DNAH7: variants seen among roughly 807,000 people sequenced by gnomAD.
The protein encoded by DNAH7 is axonemal beta dynein heavy chain 7.
Under a neutral mutation model 444.6 loss-of-function variants are expected in DNAH7, and 397 were observed. The observed-to-expected ratio is 0.89, with a 90% CI of 0.82 to 0.97. The LOEUF (loss-of-function observed/expected upper bound fraction) is 0.97. Among genes scored for constraint, DNAH7 ranks in the 50% least tolerant of loss-of-function variants. The pLI, the probability that DNAH7 is intolerant of heterozygous loss-of-function variation, is 0.00. For synonymous variants in DNAH7, 1,636 were observed against 1,624.4 expected, an observed-to-expected ratio of 1.01 and a Z score of -0.17; for missense variants, 4,902 against 4,800.8, an observed-to-expected ratio of 1.02 and a Z score of -0.62.
chr2:195,827,804 T>C (rs545418496), intron 48 of DNAH7, among the ~76,000 whole-genome samples: 101 of 152,154 alleles, frequency 6.6e-4, no homozygotes, highest in Admixed American at 8.5e-4. Context: ...CTCAAACTCC[T>C]GGGCTCAACC....
chr2:195,978,350 A>C (rs1409610059), intron 15 of DNAH7, among the ~76,000 whole-genome samples: 1 of 152,166 alleles, frequency 6.6e-6, no homozygotes, highest in African/African-American at 2.4e-5. Flanking sequence ...ATAAATTATA[A>C]GATATTATTT....
intron 15 of DNAH7, among the ~76,000 whole-genome samples, chr2:195,976,741 G>GAGA (rs1692211435): frequency 1.4e-5 from 1 of 73,228 alleles, no homozygotes; most frequent in African/African-American, 4.7e-5. Flanking sequence ...GAGACAGAGA[G>GAGA]GCAGACAGAG....
chr2:195,826,851 G>A (rs565918153), intron 48 of DNAH7, among the ~76,000 whole-genome samples: 6 of 152,190 alleles, frequency 3.9e-5, no homozygotes, highest in Non-Finnish European at 7.3e-5. Flanking sequence ...CCAAGATCCT[G>A]CCATCTTGCA....
intron 19 of DNAH7, among the ~76,000 whole-genome samples, chr2:195,952,792 T>C (rs1282336438): frequency 3.3e-5 from 5 of 152,210 alleles, no homozygotes; most frequent in Admixed American, 6.5e-5. Context: ...AGGTCATTTA[T>C]GTTCCTCTCT....
In DNAH7 at chr2:195,809,638, T is replaced by C. The variant is rs142994228; in HGVS notation, c.9888+107A>G. On this transcript the variant is annotated intron_variant, in intron 52 of 64. Transcript: ENST00000312428. ...TTAACTATAATAACAAACAGTATTA[T>C]TGCTTAACTATTTACAATCTTTTTA... is the stretch of plus-strand genomic sequence containing the variant. 452 of 1,071,226 alleles carry C rather than the reference T, an allele frequency of 4.2e-4. 1 individual carries two copies. In the African/African-American group the frequency reaches 7.0e-3, roughly 16 times the overall value. The allele number at this position is 1,071,226 out of a possible 1,614,324, so 66.4% of individuals were successfully genotyped here. A position where few individuals can be genotyped will look rare whatever the true frequency, so the allele number is the denominator to read the frequency against.
At position 195,754,425 on chromosome 2, in the gene DNAH7, G is replaced by T. The variant is rs750575502; in HGVS notation, c.11676C>A (p.Tyr3892Ter). 2 of 1,613,942 alleles carry T rather than the reference G, an allele frequency of 1.2e-6. No homozygotes were observed. The highest frequency in any genetic ancestry group is 1.7e-6 in the Non-Finnish European group (2 of 1,179,988). ...QAFLTGAQQN[Y>*]ARKYTIPIDL... The stretch of plus-strand genomic sequence containing the variant: ...CAATAGGAATTGTGTATTTCCTGGC[G>T]TAGTTCTGCTGGGCACCGGTCAGGA... The change falls in exon 63 of 65, where the codon TAC becomes TAA. Residue 3892 changes from tyrosine (Y) to a stop codon, truncating the protein, a stop_gained. Coordinates refer to ENST00000312428, the MANE Select transcript of DNAH7 (RefSeq NM_018897.3). LOFTEE classifies it high-confidence loss of function.
At chr2:195,969,274 T>C (rs979597668) in intron 17 of DNAH7, among the ~76,000 whole-genome samples, 2 of 152,236 alleles carry the variant, frequency 1.3e-5, no homozygotes, top group East Asian at 1.9e-4. Context: ...TCCACGTATG[T>C]TGACATATTT....
intron 64 of DNAH7, among the ~76,000 whole-genome samples, chr2:195,738,645 C>T (rs573759959): frequency 4.6e-4 from 70 of 152,212 alleles, no homozygotes; most frequent in Non-Finnish European, 9.3e-4. Context: ...ACAATCTATA[C>T]CCCATTCTTT....
chr2:196,045,829 AAG>A (rs1262488423), intron 5 of DNAH7, among the ~76,000 whole-genome samples: 1 of 152,118 alleles, frequency 6.6e-6, no homozygotes, highest in Non-Finnish European at 1.5e-5. Flanking sequence ...AAAGCAGAAA[AAG>A]AGAAAAAAAT....
intron 10 of DNAH7, among the ~76,000 whole-genome samples, chr2:196,007,471 A>G (rs1428854817): frequency 1.3e-5 from 2 of 152,194 alleles, no homozygotes; most frequent in African/African-American, 4.8e-5. Flanking sequence ...CTACAACTAT[A>G]GAATGATTAG....
chr2:196,033,483 CA>C (rs1696190208), intron 5 of DNAH7, among the ~76,000 whole-genome samples: 1 of 152,208 alleles, frequency 6.6e-6, no homozygotes, highest in Non-Finnish European at 1.5e-5. Flanking sequence ...CCTCTGGTAA[CA>C]ACCATTCTAC....
intron 57 of DNAH7, among the ~76,000 whole-genome samples, chr2:195,792,483 TAA>T (rs368519070): frequency 1.6e-5 from 2 of 122,030 alleles, no homozygotes; most frequent in East Asian, 4.8e-4. Flanking sequence ...ATCAATGTCA[TAA>T]AAGACAAAGA....
At chr2:195,990,522 T>A (rs1424079423) in intron 12 of DNAH7, among the ~76,000 whole-genome samples, 1 of 151,838 alleles carries the variant, frequency 6.6e-6, no homozygotes, top group Non-Finnish European at 1.5e-5. Flanking sequence ...AAATTAGTGA[T>A]AGTGTACATC....
intron 11 of DNAH7, among the ~76,000 whole-genome samples, 159 bp from the exon 12 acceptor site, chr2:196,001,042 T>C (rs1694002279): frequency 6.6e-6 from 1 of 152,158 alleles, no homozygotes; most frequent in Non-Finnish European, 1.5e-5. Context: ...GCAAGAGTGA[T>C]TCTGAGCTAC....
intron 40 of DNAH7, among the ~76,000 whole-genome samples, chr2:195,869,455 T>C (rs74831053): frequency 0.017 from 2,605 of 151,484 alleles, 82 homozygotes; most frequent in African/African-American, 0.059. Context: ...CTGAGGGAGA[T>C]GAACAACACA....
Position 196,048,412 on chromosome 2 carries a change from A to G in DNAH7, c.142-8T>C. 1 of 1,609,380 alleles carries G rather than the reference A, an allele frequency of 6.2e-7. No homozygotes were observed. On this transcript the variant is annotated splice_polypyrimidine_tract_variant and splice_region_variant and intron_variant, in intron 3 of 64. Coordinates refer to ENST00000312428, the MANE Select transcript of DNAH7 (RefSeq NM_018897.3). ...GTGGGGCTTTGTACTCACCTAAAATACAAAATTTAAATAGCATTAACAAAC... is the reference window on the plus strand; with the variant it reads ...GTGGGGCTTTGTACTCACCTAAAATGCAAAATTTAAATAGCATTAACAAAC...
chr2:195,910,938 C>T (rs1210193524), intron 24 of DNAH7, among the ~76,000 whole-genome samples: 3 of 152,102 alleles, frequency 2.0e-5, no homozygotes, highest in African/African-American at 7.2e-5. Flanking sequence ...CACATTAATC[C>T]AAAATGATAA....
intron 1 of DNAH7, among the ~76,000 whole-genome samples, chr2:196,062,476 T>C (rs946580240): frequency 2.0e-5 from 3 of 152,228 alleles, no homozygotes; most frequent in Non-Finnish European, 2.9e-5. Flanking sequence ...ATCTCAGACA[T>C]TGAAAACTTT....
At chr2:195,835,784 C>A (rs1244405140) in intron 47 of DNAH7, among the ~76,000 whole-genome samples, 1 of 152,120 alleles carries the variant, frequency 6.6e-6, no homozygotes, top group Non-Finnish European at 1.5e-5. Flanking sequence ...CCAGAGGTTG[C>A]AGTGAGCCGA....
Sources: allele counts gnomAD v4.1 joint callset (sites outside exome capture counted in the v4.1 genomes callset), GRCh38; gene constraint gnomAD v4.1.1; transcripts MANE v1.5; gene names NCBI Gene and HGNC (gene_info 2026-07-23, HGNC 2026-07-21).